SH3RF2: variants seen among roughly 807,000 people sequenced by gnomAD.
The protein encoded by SH3RF2 is SH3 domain containing ring finger 2.
Under a neutral mutation model 59.0 loss-of-function variants are expected in SH3RF2, and 43 were observed. The ratio of observed to expected loss-of-function variants is 0.73; its 90% CI spans 0.57 to 0.94. The LOEUF (loss-of-function observed/expected upper bound fraction) is 0.94, where lower values mean the gene tolerates loss of function less well. Among genes scored for constraint, SH3RF2 ranks in the 40% least tolerant of loss-of-function variants. The pLI is 0.00. For synonymous variants in SH3RF2, 391 were observed against 391.5 expected, an observed-to-expected ratio of 1.00 and a Z score of 0.01; for missense variants, 930 against 940.1, an observed-to-expected ratio of 0.99 and a Z score of 0.14.
chr5:146,056,236 G>T (rs183036839), intron 8 of SH3RF2, 23 bp downstream of exon 8: 2 of 1,613,902 alleles, frequency 1.2e-6, no homozygotes, highest in Non-Finnish European at 1.7e-6. Flanking sequence ...AGAGAGGTAC[G>T]TGCCTAGAGC....
chr5:146,016,354 AGATG>A (rs68055522), intron 5 of SH3RF2, among the ~76,000 whole-genome samples: 26,134 of 143,696 alleles, frequency 0.18, 2,807 homozygotes, highest in African/African-American at 0.34. Context: ...GTAGGTAAGT[AGATG>A]GATGGATGGA....
At chr5:145,971,263 G>A (rs1759070487) in intron 2 of SH3RF2, among the ~76,000 whole-genome samples, 1 of 152,204 alleles carries the variant, frequency 6.6e-6, no homozygotes, top group African/African-American at 2.4e-5. Flanking sequence ...GCAGCTGGCT[G>A]TATTGGTTTG....
chr5:145,944,927 C>T (rs1757953771), intron 2 of SH3RF2, among the ~76,000 whole-genome samples: 1 of 152,126 alleles, frequency 6.6e-6, no homozygotes, highest in Admixed American at 6.6e-5. Flanking sequence ...TAGTTCCTAC[C>T]AGTTTTCAGC....
At chr5:146,007,289 G>A (rs562840143) in intron 4 of SH3RF2, among the ~76,000 whole-genome samples, 6 of 152,322 alleles carry the variant, frequency 3.9e-5, no homozygotes, top group African/African-American at 1.4e-4. Flanking sequence ...GATGACTGTG[G>A]ATTCGACCCA....
chr5:146,018,663 G>A (rs900319378), intron 5 of SH3RF2, among the ~76,000 whole-genome samples: 1 of 152,098 alleles, frequency 6.6e-6, no homozygotes, highest in Non-Finnish European at 1.5e-5. Context: ...CCAGTAGTGG[G>A]ATCAAATGGT....
chr5:146,004,185 C>T (rs762903857), intron 4 of SH3RF2, 32 bp downstream of exon 4: 14 of 1,552,608 alleles, frequency 9.0e-6, no homozygotes, highest in Admixed American at 3.4e-5. Context: ...ATCTGATTTA[C>T]GCATACACAG....
At chr5:146,064,780 G>GAAGGA (rs1561773671), downstream of SH3RF2, among the ~76,000 whole-genome samples, 3 of 21,430 alleles carry the variant, frequency 1.4e-4, no homozygotes, top group African/African-American at 6.2e-4. Flanking sequence ...GGAAGGAAAG[G>GAAGGA]AAGGAAGGAA....
chr5:146,062,330 T>C (rs1762927349), intron 9 of SH3RF2, 96 bp from the exon 10 acceptor site: 1 of 1,452,434 alleles, frequency 6.9e-7, no homozygotes, highest in Non-Finnish European at 9.4e-7. Context: ...ATTTGCAGAA[T>C]GAACACATAA....
At chr5:146,024,017 C>T (rs1044689579) in intron 5 of SH3RF2, among the ~76,000 whole-genome samples, 10 of 152,118 alleles carry the variant, frequency 6.6e-5, no homozygotes, top group East Asian at 5.8e-4. Flanking sequence ...AATGAATGAG[C>T]GTTTGGGTTG....
At position 146,077,955 on chromosome 5, in the gene SH3RF2, C is replaced by A. The variant is rs73313963; in HGVS notation, c.*34-505C>A. 7.7e-3 allele frequency among the ~76,000 whole-genome samples: 1,177 copies of A among 152,002 alleles called. 20 individuals are homozygous for A. The highest frequency in any genetic ancestry group is 0.026 in the African/African-American group (1,060 of 41,420). On this transcript the variant is annotated intron_variant, in intron 9 of 9. Coordinates refer to the SH3RF2 transcript ENST00000511217. ...GTAGGAGTAGGGGGCTTGGCAGTAACGGATGATAACCGGTAGAATGAAATA... is the reference window on the plus strand; with the variant it reads ...GTAGGAGTAGGGGGCTTGGCAGTAAAGGATGATAACCGGTAGAATGAAATA...
chr5:146,039,952 C>T (rs1051869587), intron 5 of SH3RF2, among the ~76,000 whole-genome samples: 4 of 152,194 alleles, frequency 2.6e-5, no homozygotes, highest in African/African-American at 9.7e-5. Flanking sequence ...CGAAAACTTC[C>T]TGTTAAGCAA....
chr5:146,040,641 G>GA (rs940795200), intron 5 of SH3RF2, among the ~76,000 whole-genome samples: 2 of 151,854 alleles, frequency 1.3e-5, no homozygotes, highest in Admixed American at 6.6e-5. Flanking sequence ...GTGTACTTCA[G>GA]AAAAAAAAGT....
rs752369707 is a variant in SH3RF2, at chr5:146,056,034, C to T, written c.1376C>T (p.Thr459Met). 4.0e-5 allele frequency: 64 copies of T among 1,614,104 alleles called. No individual in the cohort carries two copies. The highest frequency in any genetic ancestry group is 2.5e-4 in the African/African-American group (19 of 74,938). The change falls in exon 8 of 10, where the codon ACG becomes ATG. Residue 459 changes from threonine to methionine, a missense_variant. Transcript: ENST00000359120. ...SRSPGLYTTW[T>M]LSTSSVSSQG... ...AGCCCTGGTCTCTACACCACATGGA[C>T]GTTATCCACCTCCTCTGTGTCCTCC...
rs1294391124 is a variant in SH3RF2 at position 146,015,225 on chromosome 5, A to G, written c.1059+1164A>G. Among the ~76,000 whole-genome samples, 8 of 152,292 alleles carry G rather than the reference A, an allele frequency of 5.3e-5. No homozygotes were observed. The South Asian group carries it at 1.5e-3, about 28-fold the overall frequency. On this transcript the variant is annotated intron_variant, in intron 5 of 9. Coordinates refer to ENST00000359120, the MANE Select transcript of SH3RF2 (RefSeq NM_152550.4). Reference sequence around the variant, plus strand: ...TCTGAAAGGAAAACAATCACCTCCTACAACACTTCATATCTTATACCACTG... The same window carrying G: ...TCTGAAAGGAAAACAATCACCTCCTGCAACACTTCATATCTTATACCACTG...
chr5:146,067,252 C>T (rs1561774886), downstream of SH3RF2, among the ~76,000 whole-genome samples: 2 of 152,248 alleles, frequency 1.3e-5, no homozygotes, highest in South Asian at 2.1e-4. Context: ...TCAGGGGGTC[C>T]GTCCACACCA....
chr5:146,064,828 G>A (rs867988479), downstream of SH3RF2, among the ~76,000 whole-genome samples: 12 of 12,950 alleles, frequency 9.3e-4, 1 homozygote, highest in Middle Eastern at 0.12. Context: ...AAGAAAGAAA[G>A]AAAGAAAGAA....
chr5:146,064,616 GGAGA>G (rs1580948032), downstream of SH3RF2, among the ~76,000 whole-genome samples: 1 of 41,308 alleles, frequency 2.4e-5, no homozygotes, highest in Non-Finnish European at 5.1e-5. Context: ...AGAGAGAGAG[GGAGA>G]GAGAGAGAGG....
chr5:146,027,282 T>G (rs571112371), intron 5 of SH3RF2, among the ~76,000 whole-genome samples: 17 of 152,156 alleles, frequency 1.1e-4, no homozygotes, highest in Non-Finnish European at 2.5e-4. Context: ...GATAAAAAAG[T>G]CAAAGATAGA....
At chr5:145,986,337 G>A (rs1759704112) in intron 2 of SH3RF2, among the ~76,000 whole-genome samples, 1 of 152,284 alleles carries the variant, frequency 6.6e-6, no homozygotes, top group East Asian at 1.9e-4. Flanking sequence ...AGTGGTGGGA[G>A]GGTTGTTTGA....
Sources: gnomAD v4.1 joint callset for allele counts (sites outside exome capture counted in the v4.1 genomes callset) on GRCh38, gnomAD v4.1.1 for gene constraint, MANE v1.5 for transcripts, NCBI Gene and HGNC (gene_info 2026-07-23, HGNC 2026-07-21) for gene names.